Variants in SPOCK1 observed in about 807,000 individuals in gnomAD.
The protein encoded by SPOCK1 is testican-1.
In SPOCK1, 23 loss-of-function variants were observed where a neutral mutation model predicts 55.3. The ratio of observed to expected loss-of-function variants is 0.42; its 90% CI spans 0.30 to 0.59. The LOEUF (loss-of-function observed/expected upper bound fraction) is 0.59, where lower values mean the gene tolerates loss of function less well. Ranked by LOEUF, SPOCK1 falls within the 20% of genes least tolerant of loss-of-function variation. The pLI is 0.22. For synonymous variants in SPOCK1, 226 were observed against 221.0 expected (o/e 1.02, Z -0.20); for missense variants, 499 against 552.5 (o/e 0.90, Z 0.97).
At chr5:137,316,339 C>T (rs1423383748) in intron 2 of SPOCK1, among the ~76,000 whole-genome samples, 2 of 152,316 alleles carry the variant, frequency 1.3e-5, no homozygotes, top group Admixed American at 6.5e-5. Flanking sequence ...CAAATCACAG[C>T]GGCTAGCTAG....
chr5:137,013,274 T>C (rs972212041), intron 6 of SPOCK1, among the ~76,000 whole-genome samples: 1 of 152,212 alleles, frequency 6.6e-6, no homozygotes. Flanking sequence ...GTATGTGGTA[T>C]AAGACAAAAA....
At chr5:137,316,300 C>T (rs902293247) in intron 2 of SPOCK1, among the ~76,000 whole-genome samples, 2 of 152,214 alleles carry the variant, frequency 1.3e-5, no homozygotes, top group Non-Finnish European at 2.9e-5. Context: ...ATCAAATGAG[C>T]AACACCTGAA....
chr5:137,164,974 C>T (rs577790815), intron 3 of SPOCK1, among the ~76,000 whole-genome samples: 1 of 152,338 alleles, frequency 6.6e-6, no homozygotes, highest in South Asian at 2.1e-4. Flanking sequence ...TCTGGACCTG[C>T]CCAGGTCCTG....
chr5:137,329,196 G>A (rs1758128717), intron 2 of SPOCK1, among the ~76,000 whole-genome samples: 1 of 152,000 alleles, frequency 6.6e-6, no homozygotes, highest in African/African-American at 2.4e-5. Context: ...ACTGTGAGCT[G>A]GGGCATTGGT....
chr5:137,039,474 A>G (rs952041717), intron 6 of SPOCK1, among the ~76,000 whole-genome samples: 1 of 152,090 alleles, frequency 6.6e-6, no homozygotes, highest in African/African-American at 2.4e-5. Flanking sequence ...CCTCAGTATT[A>G]TTCCACCCTG....
chr5:137,011,003 G>A (rs1475217629), intron 6 of SPOCK1, among the ~76,000 whole-genome samples: 6 of 152,172 alleles, frequency 3.9e-5, no homozygotes, highest in Admixed American at 3.9e-4. Flanking sequence ...TTACCACTAA[G>A]TAATTTAGTT....
At chr5:137,010,334 T>C (rs907472666) in intron 6 of SPOCK1, among the ~76,000 whole-genome samples, 13 of 151,990 alleles carry the variant, frequency 8.6e-5, no homozygotes, top group African/African-American at 2.9e-4. Context: ...AAACAGGTCA[T>C]GGCCAGCATG....
intron 6 of SPOCK1, among the ~76,000 whole-genome samples, chr5:137,060,633 T>TAA (rs35150237): frequency 6.7e-6 from 1 of 149,414 alleles, no homozygotes. Flanking sequence ...ATTTTGTACA[T>TAA]AAAAAAAAAA....
At chr5:137,417,347 TTTC>T (rs1752358908) in intron 2 of SPOCK1, among the ~76,000 whole-genome samples, 2 of 151,742 alleles carry the variant, frequency 1.3e-5, no homozygotes, top group African/African-American at 4.8e-5. Context: ...TTTTTTTTTT[TTTC>T]ATTTTTTTAA....
chr5:137,165,035 A>T (rs1754621217), intron 3 of SPOCK1, among the ~76,000 whole-genome samples: 1 of 152,202 alleles, frequency 6.6e-6, no homozygotes, highest in Non-Finnish European at 1.5e-5. Flanking sequence ...TGGCTTTGCT[A>T]TCTGCTGATT....
chr5:137,441,331 C>T (rs1280998437), intron 2 of SPOCK1, among the ~76,000 whole-genome samples: 3 of 152,232 alleles, frequency 2.0e-5, no homozygotes, highest in Admixed American at 6.5e-5. Context: ...CAGCTGTCAC[C>T]TCAGAGTCTC....
intron 3 of SPOCK1, among the ~76,000 whole-genome samples, chr5:137,152,827 T>A (rs1480094612): frequency 2.6e-4 from 40 of 152,200 alleles, no homozygotes; most frequent in African/African-American, 9.2e-4. Flanking sequence ...CTCAAACATC[T>A]GAGGTGCTTT....
rs528675942 is a variant in SPOCK1 at position 137,444,089 on chromosome 5, C to T, written c.186+54284G>A. The stretch of plus-strand genomic sequence containing the variant: ...GCGAGCCTCAGCCAGGCTCCCAAGG[C>T]ACTTTGTGACCTAGCTTCCACCTGT... On this transcript the variant is annotated intron_variant, in intron 2 of 10. Coordinates refer to ENST00000394945, the MANE Select transcript of SPOCK1 (RefSeq NM_004598.4). Among the ~76,000 whole-genome samples the T allele has an allele frequency of 4.1e-3, 620 of 152,274 alleles. 2 individuals are homozygous for T. The highest frequency in any genetic ancestry group is 0.014 in the African/African-American group (569 of 41,550).
At chr5:137,177,888 C>T (rs533786689) in intron 3 of SPOCK1, among the ~76,000 whole-genome samples, 1 of 152,040 alleles carries the variant, frequency 6.6e-6, no homozygotes, top group East Asian at 1.9e-4. Context: ...AGAAATAAAG[C>T]TGGGGAAGTC....
intron 2 of SPOCK1, among the ~76,000 whole-genome samples, chr5:137,488,246 G>C (rs369266663): frequency 1.6e-4 from 24 of 152,042 alleles, no homozygotes; most frequent in African/African-American, 5.3e-4. Flanking sequence ...GCGTGGTGGC[G>C]CATGACTGTA....
At chr5:137,062,338 G>A (rs1206292372) in intron 6 of SPOCK1, among the ~76,000 whole-genome samples, 1 of 152,012 alleles carries the variant, frequency 6.6e-6, no homozygotes, top group Non-Finnish European at 1.5e-5. Context: ...CAGATGAGGT[G>A]CAGGGAATGG....
chr5:137,298,223 C>A (rs1339836350), intron 2 of SPOCK1, among the ~76,000 whole-genome samples: 1 of 152,172 alleles, frequency 6.6e-6, no homozygotes, highest in Non-Finnish European at 1.5e-5. Context: ...TGACCATACC[C>A]CACCCTGAGG....
At chr5:137,306,229 C>T (rs930471210) in intron 2 of SPOCK1, among the ~76,000 whole-genome samples, 1 of 152,254 alleles carries the variant, frequency 6.6e-6, no homozygotes, top group Non-Finnish European at 1.5e-5. Context: ...AAGCCAGAAT[C>T]TAACCTGTGG....
chr5:137,424,968 A>C (rs1388486483), intron 2 of SPOCK1, among the ~76,000 whole-genome samples: 2 of 152,246 alleles, frequency 1.3e-5, no homozygotes, highest in Admixed American at 1.3e-4. Context: ...ATTGCATATA[A>C]GTTATTCCTC....
Sources: allele counts gnomAD v4.1 joint callset (sites outside exome capture counted in the v4.1 genomes callset), GRCh38; gene constraint gnomAD v4.1.1; transcripts MANE v1.5; gene names NCBI Gene and HGNC (gene_info 2026-07-23, HGNC 2026-07-21).